Variants in JCAD observed in about 807,000 individuals in gnomAD.
The protein encoded by JCAD is junctional cadherin 5-associated protein.
A neutral mutation model predicts 98.0 loss-of-function variants in JCAD; 40 were observed. That is an observed-to-expected ratio of 0.41 (90% CI 0.32 to 0.53). The LOEUF (loss-of-function observed/expected upper bound fraction) is 0.53, where lower values mean the gene tolerates loss of function less well. Among genes scored for constraint, JCAD ranks in the 20% least tolerant of loss-of-function variants. JCAD has a pLI of 0.31. For missense variants in JCAD, 1,705 were observed against 1,738.1 expected, an observed-to-expected ratio of 0.98 and a Z score of 0.34; for synonymous variants, 691 against 682.3, an observed-to-expected ratio of 1.01 and a Z score of -0.20.
chr10:30,038,278 T>C (rs1837162527), intron 2 of JCAD, among the ~76,000 whole-genome samples: 1 of 152,196 alleles, frequency 6.6e-6, no homozygotes. Flanking sequence ...TTGGAAACTG[T>C]CATGGTAATT....
At chr10:30,101,143 C>T (rs1044129942) in intron 1 of JCAD, among the ~76,000 whole-genome samples, 3 of 152,228 alleles carry the variant, frequency 2.0e-5, no homozygotes, top group Non-Finnish European at 2.9e-5. Context: ...GGTGCGATGG[C>T]TCATGCCTGT....
intron 1 of JCAD, among the ~76,000 whole-genome samples, chr10:30,071,171 C>T (rs1343874585): frequency 6.6e-6 from 1 of 152,176 alleles, no homozygotes; most frequent in Non-Finnish European, 1.5e-5. Context: ...TCCCAAAGTG[C>T]TGGGATTACA....
At position 30,017,745 on chromosome 10, in the gene JCAD, G is replaced by A; in HGVS notation, c.*138C>T. The A allele has an allele frequency of 1.3e-6, 1 of 753,632 alleles. No individual in the cohort carries two copies. The highest frequency in any genetic ancestry group is 2.3e-6 in the Non-Finnish European group (1 of 433,414). 46.7% of individuals were successfully genotyped at this position (753,632 alleles called of 1,614,324 possible). ...GGATGGCAAGTTTCCTAGTGGCAGT[G>A]GTAAAGAATGTTATCAGGATGCTAA... On this transcript the variant is annotated 3_prime_UTR_variant, in exon 4 of 4. Transcript: ENST00000375377.
chr10:30,052,980 C>G (rs548748733), intron 1 of JCAD, among the ~76,000 whole-genome samples: 1 of 152,128 alleles, frequency 6.6e-6, no homozygotes, highest in East Asian at 1.9e-4. Context: ...AACTTTTTTC[C>G]TTTTTAAAAT....
rs781293222 is a variant in JCAD at position 30,026,619 on chromosome 10, C to T, written c.3529G>A (p.Asp1177Asn). 1.2e-6 allele frequency: 2 copies of T among 1,613,632 alleles called. No individual in the cohort carries two copies. The highest frequency in any genetic ancestry group is 3.3e-5 in the Admixed American group (2 of 60,034). ...GTGCTGGTGACAACCCCGTCCACAT[C>T]TGAGTGCTCAAAAGCCTGAGGAGCC... Reference protein sequence around the residue: ...RRAPQAFEHSDVDGVVTSTDP... With the variant: ...RRAPQAFEHSNVDGVVTSTDP... Residue 1177 changes from aspartate (D) to asparagine (N), a missense_variant, in exon 3 of 4, where the codon GAT (aspartate) becomes AAT (asparagine). Physicochemically the swap from Asp to Asn is conservative, Grantham distance 23 (BLOSUM62 1). Transcript: ENST00000375377.
intron 2 of JCAD, among the ~76,000 whole-genome samples, chr10:30,067,559 C>T (rs984695101): frequency 9.2e-5 from 14 of 152,164 alleles, no homozygotes; most frequent in African/African-American, 3.4e-4. Context: ...AACTCCTGAC[C>T]TCAGGTTATC....
chr10:30,063,553 T>C (rs2132663084), upstream of JCAD, among the ~76,000 whole-genome samples: 1 of 152,280 alleles, frequency 6.6e-6, no homozygotes. Context: ...ATTTTGTTTT[T>C]CTTAGTCTGT....
chr10:30,031,438 A>ATTTTT (rs34213034), intron 2 of JCAD, among the ~76,000 whole-genome samples: 7 of 97,074 alleles, frequency 7.2e-5, no homozygotes, highest in Non-Finnish European at 1.0e-4. Flanking sequence ...GCCCATCTGT[A>ATTTTT]TTTTTTTTTT....
intron 1 of JCAD, among the ~76,000 whole-genome samples, chr10:30,057,574 G>A (rs1837599950): frequency 1.3e-5 from 2 of 152,138 alleles, no homozygotes; most frequent in East Asian, 3.9e-4. Context: ...TTTTTTCCCC[G>A]AAACAGGCTT....
chr10:30,056,313 A>G lies in JCAD; in HGVS notation c.-60+3169T>C, dbSNP rs958956782. Among the ~76,000 whole-genome samples, 8 of 152,364 alleles carry G rather than the reference A, an allele frequency of 5.3e-5. No homozygotes were observed. In the East Asian group the frequency reaches 1.5e-3, roughly 29 times the overall value. Reference sequence around the variant, plus strand: ...AGTCTTTATCAAAGTGTTTGACTTAAATTATTTCATATGATCTTTACATTT... The same window carrying G: ...AGTCTTTATCAAAGTGTTTGACTTAGATTATTTCATATGATCTTTACATTT... On this transcript the variant is annotated intron_variant, in intron 1 of 3. Transcript: ENST00000375377.
chr10:30,080,745 C>G lies in JCAD; in HGVS notation n.129-10924G>C, dbSNP rs1291491603. Among the ~76,000 whole-genome samples, 5 of 152,292 alleles carry G rather than the reference C, an allele frequency of 3.3e-5. No homozygotes were observed. In the East Asian group the frequency reaches 9.6e-4, roughly 29 times the overall value. On this transcript the variant is annotated intron_variant and non_coding_transcript_variant, in intron 1 of 2. Transcript: ENST00000465712. The stretch of plus-strand genomic sequence containing the variant: ...ATCAGCCTTTCTACTGGCCATTTCC[C>G]CCTCTGGAATGATCCCCTTATTACC...
intron 3 of JCAD, 153 bp downstream of exon 3, chr10:30,025,950 C>T (rs961547366): frequency 9.1e-6 from 8 of 881,212 alleles, no homozygotes; most frequent in Admixed American, 5.0e-5. Flanking sequence ...GATAATTCTT[C>T]GAAAATGAGG....
At chr10:30,034,039 A>G (rs1239618035) in intron 2 of JCAD, among the ~76,000 whole-genome samples, 7 of 151,926 alleles carry the variant, frequency 4.6e-5, no homozygotes, top group Admixed American at 4.6e-4. Flanking sequence ...CCTGGCCAAC[A>G]CAGTGAAACC....
chr10:30,036,450 CAAA>C (rs60084989), intron 2 of JCAD, among the ~76,000 whole-genome samples: 1 of 119,452 alleles, frequency 8.4e-6, no homozygotes. Context: ...GACTCCGTCT[CAAA>C]AAAAAAAAAA....
intron 1 of JCAD, among the ~76,000 whole-genome samples, chr10:30,057,860 C>T (rs539958336): frequency 6.6e-6 from 1 of 152,320 alleles, no homozygotes; most frequent in African/African-American, 2.4e-5. Flanking sequence ...AATCCACAGA[C>T]GTTATGGAAA....
At chr10:30,092,098 T>TTA (rs1554802538) in intron 1 of JCAD, among the ~76,000 whole-genome samples, 31 of 44,594 alleles carry the variant, frequency 7.0e-4, no homozygotes, top group Middle Eastern at 0.017. Context: ...TAAAGTTACT[T>TTA]TATATATATA....
At position 30,079,217 on chromosome 10, in the gene JCAD, G is replaced by T. The variant is rs539713109; in HGVS notation, n.129-9396C>A. ...CAAAAATTAGCCGGGCGTGGTGGCC[G>T]GCGCCTGTAGTCCCAGCTACTCGGG... On this transcript the variant is annotated intron_variant and non_coding_transcript_variant, in intron 1 of 2. Coordinates refer to the JCAD transcript ENST00000465712. 2.4e-4 allele frequency among the ~76,000 whole-genome samples: 37 copies of T among 152,070 alleles called. No individual in the cohort carries two copies. In the East Asian group the frequency reaches 3.5e-3, roughly 14 times the overall value.
intron 2 of JCAD, among the ~76,000 whole-genome samples, chr10:30,044,375 G>A (rs555716470): frequency 2.0e-5 from 3 of 152,302 alleles, no homozygotes; most frequent in Admixed American, 6.5e-5. Context: ...CCCAGGACAT[G>A]AGTGGGGTGT....
At chr10:30,053,788 T>C (rs1280037032) in intron 1 of JCAD, among the ~76,000 whole-genome samples, 1 of 150,454 alleles carries the variant, frequency 6.6e-6, no homozygotes, top group Admixed American at 6.6e-5. Context: ...CTGGGCCAGG[T>C]GCAGTGGCTC....
Sources: gnomAD v4.1 joint callset for allele counts (sites outside exome capture counted in the v4.1 genomes callset) on GRCh38, gnomAD v4.1.1 for gene constraint, MANE v1.5 for transcripts, NCBI Gene and HGNC (gene_info 2026-07-23, HGNC 2026-07-21) for gene names.